Variants in COL4A1 observed in about 807,000 individuals in gnomAD.
COL4A1 encodes the protein collagen alpha-1(IV) chain.
A neutral mutation model predicts 216.6 loss-of-function variants in COL4A1; 40 were observed. The ratio of observed to expected loss-of-function variants is 0.18; its 90% CI spans 0.14 to 0.24. The LOEUF (loss-of-function observed/expected upper bound fraction) is 0.24, where lower values mean the gene tolerates loss of function less well. Ranked by LOEUF, COL4A1 falls within the 10% of genes least tolerant of loss-of-function variation. The pLI is 1.00. For missense variants in COL4A1, 1,628 were observed against 2,196.8 expected (o/e 0.74, Z 5.18); for synonymous variants, 839 against 810.7 (o/e 1.03, Z -0.59).
chr13:110,230,084 C>CA (rs1238305187), intron 2 of COL4A1, among the ~76,000 whole-genome samples: 1 of 151,870 alleles, frequency 6.6e-6, no homozygotes, highest in Non-Finnish European at 1.5e-5. Context: ...GAACCAAGCC[C>CA]AAAACAGGTG....
chr13:110,205,218 G>C (rs1336334952), intron 17 of COL4A1, 135 bp downstream of exon 17: 1 of 991,148 alleles, frequency 1.0e-6, no homozygotes, highest in Non-Finnish European at 1.5e-6. Context: ...CCACTAAATT[G>C]TGTTTTTACC....
At chr13:110,278,812 C>T (rs1005106135) in intron 1 of COL4A1, among the ~76,000 whole-genome samples, 4 of 152,194 alleles carry the variant, frequency 2.6e-5, no homozygotes, top group Non-Finnish European at 5.9e-5. Flanking sequence ...TCTGCCTAGA[C>T]TGTGGGAATG....
In COL4A1 at chr13:110,192,139, C is replaced by CA. The variant is rs1878656287; in HGVS notation, c.1536+74dup. 2.2e-5 allele frequency: 33 copies of CA among 1,500,904 alleles called. No homozygotes were observed. The South Asian group carries it at 3.6e-4, about 16-fold the overall frequency. 93.0% of individuals were successfully genotyped at this position (1,500,904 alleles called of 1,614,324 possible). On this transcript the variant is annotated intron_variant, in intron 24 of 51. Coordinates refer to ENST00000375820, the MANE Select transcript of COL4A1 (RefSeq NM_001845.6). ...AAGGCAGAAGCCATGCTTGCAAATG[C>CA]AAAACGACACAACTCTGTCCACGTG...
intron 1 of COL4A1, among the ~76,000 whole-genome samples, chr13:110,301,602 A>G (rs1487492590): frequency 6.6e-6 from 1 of 152,216 alleles, no homozygotes; most frequent in Non-Finnish European, 1.5e-5. Context: ...CAGATAGTCA[A>G]CAATATTTCA....
chr13:110,303,155 C>T (rs1884559792), intron 1 of COL4A1, among the ~76,000 whole-genome samples: 1 of 152,152 alleles, frequency 6.6e-6, no homozygotes, highest in Non-Finnish European at 1.5e-5. Context: ...TTGCCAACAG[C>T]CTTGTTAATG....
intron 2 of COL4A1, among the ~76,000 whole-genome samples, chr13:110,231,282 A>G (rs1023269959): frequency 1.3e-5 from 2 of 152,218 alleles, no homozygotes; most frequent in African/African-American, 2.4e-5. Context: ...GGAGTCTTGT[A>G]CGTGGAAGTG....
intron 41 of COL4A1, among the ~76,000 whole-genome samples, chr13:110,171,601 A>G (rs1333335164): frequency 1.3e-5 from 2 of 152,200 alleles, no homozygotes; most frequent in Non-Finnish European, 2.9e-5. Context: ...TTATTTCCAA[A>G]ACAAAGGAAA....
At chr13:110,208,933 T>G in intron 11 of COL4A1, 43 bp from the exon 12 acceptor site, 1 of 1,595,340 alleles carries the variant, frequency 6.3e-7, no homozygotes, top group Non-Finnish European at 8.6e-7. Context: ...ATTTGTCTAC[T>G]TCGTTCAAAG....
chr13:110,172,271 T>G (rs1877681752), intron 41 of COL4A1, among the ~76,000 whole-genome samples: 1 of 152,228 alleles, frequency 6.6e-6, no homozygotes, highest in South Asian at 2.1e-4. Context: ...GAGACTGCCT[T>G]CCCAAGCTCC....
chr13:110,213,824 A>G lies in COL4A1; in HGVS notation c.237T>C (p.Gly79=). Residue 79 remains glycine (G), a splice_region_variant and synonymous_variant, in exon 4 of 52, where the codon GGT becomes GGC. Coordinates refer to ENST00000375820, the MANE Select transcript of COL4A1 (RefSeq NM_001845.6). ...CAGGTAGTCCTGGTTCTCCAGTATC[A>G]CCCTGGAACAGAATAGAAATGCCAT... ...EGPQGPPGQK[G]DTGEPGLPGT... is the part of the protein sequence containing the mutation. The G allele has an allele frequency of 6.2e-7, 1 of 1,613,986 alleles. No homozygotes were observed. The highest frequency in any genetic ancestry group is 1.3e-5 in the African/African-American group (1 of 74,978).
intron 11 of COL4A1, 32 bp downstream of exon 11, chr13:110,209,360 G>A (rs1322707736): frequency 6.2e-7 from 1 of 1,605,490 alleles, no homozygotes; most frequent in East Asian, 2.2e-5. Flanking sequence ...TTATACTAAT[G>A]CCAAAGAACA....
chr13:110,279,895 C>G (rs780208014), intron 1 of COL4A1, among the ~76,000 whole-genome samples: 1 of 152,178 alleles, frequency 6.6e-6, no homozygotes, highest in Admixed American at 6.5e-5. Flanking sequence ...CTTACTGTGG[C>G]CACTGTCTTC....
At chr13:110,299,186 T>C (rs1247074813) in intron 1 of COL4A1, among the ~76,000 whole-genome samples, 3 of 152,236 alleles carry the variant, frequency 2.0e-5, no homozygotes, top group Admixed American at 1.3e-4. Context: ...GTCCCGACAC[T>C]GCAGGCCTGC....
At chr13:110,186,272 G>C in intron 26 of COL4A1, 113 bp downstream of exon 26, 1 of 1,353,690 alleles carries the variant, frequency 7.4e-7, no homozygotes, top group Non-Finnish European at 1.1e-6. Flanking sequence ...AAGAATCAAA[G>C]CCAAGTGTGC....
Position 110,164,878 on chromosome 13 carries a change from G to T in COL4A1, c.4134C>A (p.Gly1378=), listed in dbSNP as rs1250683195. The T allele has an allele frequency of 1.2e-5, 19 of 1,611,456 alleles. No individual in the cohort carries two copies. The highest frequency in any genetic ancestry group is 1.6e-5 in the Non-Finnish European group (19 of 1,178,942). ...PGLKGLQGLP[G]PKGQQGVTGL... ...CCTTCTCACCTTGCTGGCCTTTCGGGCCTGGCAGTCCCTGAAGCCCTTTCA... is the reference window on the plus strand; with the variant it reads ...CCTTCTCACCTTGCTGGCCTTTCGGTCCTGGCAGTCCCTGAAGCCCTTTCA... The change falls in exon 46 of 52, where the codon GGC becomes GGA. Residue 1378 remains glycine (G), a synonymous_variant. Transcript: ENST00000375820.
At position 110,288,280 on chromosome 13, in the gene COL4A1, T is replaced by A. The variant is rs541010736; in HGVS notation, c.84+18664A>T. Among the ~76,000 whole-genome samples the A allele has an allele frequency of 3.4e-3, 499 of 147,798 alleles. 2 individuals carry two copies. The highest frequency in any genetic ancestry group is 0.012 in the African/African-American group (472 of 40,536). ...TCCCTCTCAAAAAAAAAAAAAATAA[T>A]AATAATAATAATAATAATTAAGCCT... On this transcript the variant is annotated intron_variant, in intron 1 of 51. Coordinates refer to ENST00000375820, the MANE Select transcript of COL4A1 (RefSeq NM_001845.6).
chr13:110,249,851 T>C (rs1881997029), intron 1 of COL4A1, among the ~76,000 whole-genome samples: 1 of 152,212 alleles, frequency 6.6e-6, no homozygotes, highest in Non-Finnish European at 1.5e-5. Context: ...AAAGCTTACA[T>C]TTGCATAACA....
At chr13:110,201,586 G>T in intron 18 of COL4A1, 64 bp from the exon 19 acceptor site, 2 of 1,306,714 alleles carry the variant, frequency 1.5e-6, no homozygotes, top group Non-Finnish European at 2.2e-6. Context: ...GTATAGTAAA[G>T]CAGTATGAGT....
chr13:110,250,609 C>G (rs1448878885), intron 1 of COL4A1, among the ~76,000 whole-genome samples: 1 of 152,118 alleles, frequency 6.6e-6, no homozygotes, highest in African/African-American at 2.4e-5. Context: ...GGTCTTTGTC[C>G]AGCTGCAAGC....
Sources: gnomAD v4.1 joint callset for allele counts (sites outside exome capture counted in the v4.1 genomes callset) on GRCh38, gnomAD v4.1.1 for gene constraint, MANE v1.5 for transcripts, NCBI Gene and HGNC (gene_info 2026-07-23, HGNC 2026-07-21) for gene names.